The following CATSPER4 variants were observed in gnomAD, a reference collection of about 807,000 sequenced individuals.
CATSPER4 encodes cation channel sperm associated 4.
In CATSPER4, 46 loss-of-function variants were observed where a neutral mutation model predicts 54.4. The ratio of observed to expected loss-of-function variants is 0.84; its 90% CI spans 0.67 to 1.08. The LOEUF is 1.08. Among genes scored for constraint, CATSPER4 ranks in the 50% least tolerant of loss-of-function variants. CATSPER4 has a pLI of 0.00. For synonymous variants in CATSPER4, 230 were observed against 231.9 expected, an observed-to-expected ratio of 0.99 and a Z score of 0.08; for missense variants, 574 against 612.8, an observed-to-expected ratio of 0.94 and a Z score of 0.67.
intron 8 of CATSPER4, 68 bp downstream of exon 8, chr1:26,201,109 C>G (rs1350366458): frequency 1.5e-6 from 2 of 1,326,160 alleles, no homozygotes; most frequent in African/African-American, 1.4e-5. Context: ...TCAGAGTCTT[C>G]TGGCCTCACG....
At chr1:26,197,159 G>A (rs2088952038) in intron 3 of CATSPER4, among the ~76,000 whole-genome samples, 1 of 152,084 alleles carries the variant, frequency 6.6e-6, no homozygotes, top group African/African-American at 2.4e-5. Flanking sequence ...ACCTGCCTCA[G>A]ACTCCCAAAG....
rs772657385 is a variant in CATSPER4, at chr1:26,202,581, C to T, written c.*39C>T. On this transcript the variant is annotated 3_prime_UTR_variant, in exon 10 of 10. Transcript: ENST00000456354. ...GAGCCAAGGGGCCTGCACACACACA[C>T]CCAGCCGCTGCGTCTTCCTGTGTCC... 1 of 1,575,338 alleles carries T rather than the reference C, an allele frequency of 6.3e-7. No individual in the cohort carries two copies. Among genetic ancestry groups the T allele is most frequent in the South Asian group, 1.1e-5 (1 of 88,468 alleles).
At chr1:26,201,611 C>G in intron 9 of CATSPER4, 92 bp downstream of exon 9, 1 of 1,288,296 alleles carries the variant, frequency 7.8e-7, no homozygotes, top group Non-Finnish European at 1.1e-6. Context: ...GTCAAAGTTT[C>G]TGTCTATTCC....
rs1445474509 is a variant in CATSPER4 at position 26,202,600 on chromosome 1, TGTGTCCTTA to T, written c.*63_*71del. ...CACACACCCAGCCGCTGCGTCTTCCTGTGTCCTTAGTGTGGCTTGGCAGAGCCTGGCCAG... is the reference window on the plus strand; with the variant it reads ...CACACACCCAGCCGCTGCGTCTTCCTGTGTGGCTTGGCAGAGCCTGGCCAG... On this transcript the variant is annotated 3_prime_UTR_variant, in exon 10 of 10. Coordinates refer to ENST00000456354, the MANE Select transcript of CATSPER4 (RefSeq NM_198137.2). 1 of 1,511,634 alleles carries T rather than the reference TGTGTCCTTA, an allele frequency of 6.6e-7. No homozygotes were observed. The highest frequency in any genetic ancestry group is 1.8e-5 in the Admixed American group (1 of 54,948). The allele number at this position is 1,511,634 out of a possible 1,614,324, so 93.6% of individuals were successfully genotyped here. A position where few individuals can be genotyped will look rare whatever the true frequency, so the allele number is the denominator to read the frequency against.
At chr1:26,200,085 G>A in intron 7 of CATSPER4, 27 bp downstream of exon 7, 8 of 1,605,490 alleles carry the variant, frequency 5.0e-6, no homozygotes, top group Non-Finnish European at 6.8e-6. Context: ...GGGCAGAAGG[G>A]AGGAAAAGGA....
At chr1:26,202,358 C>T (rs190931267) in intron 9 of CATSPER4, 131 bp from the exon 10 acceptor site, 19 of 798,008 alleles carry the variant, frequency 2.4e-5, no homozygotes, top group Admixed American at 1.4e-4. Flanking sequence ...TAGGTAGGCT[C>T]AAGTTAGACC....
chr1:26,201,799 C>T (rs539779522), intron 9 of CATSPER4, among the ~76,000 whole-genome samples: 198 of 150,272 alleles, frequency 1.3e-3, no homozygotes, highest in Non-Finnish European at 2.6e-3. Context: ...AAGCGATTCT[C>T]CTGCTTCAGC....
At position 26,190,807 on chromosome 1, in the gene CATSPER4, G is replaced by A; in HGVS notation, c.180G>A (p.Val60=). Residue 60 remains valine, a synonymous_variant, in exon 1 of 10, where the codon GTG becomes GTA. Coordinates refer to ENST00000456354, the MANE Select transcript of CATSPER4 (RefSeq NM_198137.2). The part of the protein sequence containing the change: ...HESYGRPEEQ[V]LINRQEITNK... ...CCTACGGTCGGCCAGAGGAGCAAGT[G>A]CTCATCAACCGCCAGGAAATCACGA... 6.2e-7 allele frequency: 1 copy of A among 1,612,528 alleles called. No individual in the cohort carries two copies. Among genetic ancestry groups the A allele is most frequent in the Non-Finnish European group, 8.5e-7 (1 of 1,179,476 alleles).
Position 26,194,952 on chromosome 1 carries a change from G to T in CATSPER4, c.459+1064G>T, listed in dbSNP as rs544277340. On this transcript the variant is annotated intron_variant, in intron 3 of 9. Transcript: ENST00000456354. The stretch of plus-strand genomic sequence containing the variant: ...ATACAAAAACTAGCTGGGCGTGGTG[G>T]CGCGTGCCTGTAATCCCAGCTACTT... 1.4e-3 allele frequency among the ~76,000 whole-genome samples: 206 copies of T among 152,272 alleles called. 1 individual carries two copies. The highest frequency in any genetic ancestry group is 1.9e-3 in the Non-Finnish European group (131 of 68,026).
chr1:26,198,483 AG>A lies in CATSPER4; in HGVS notation c.812+66del, dbSNP rs970554399. Reference sequence around the variant, plus strand: ...GGGGCAGGGTAGCCGGTGGAGCTCCAGGCTGAGAGTGGGAGCTCCAGGGATT... The same window carrying A: ...GGGGCAGGGTAGCCGGTGGAGCTCCAGCTGAGAGTGGGAGCTCCAGGGATT... On this transcript the variant is annotated intron_variant, in intron 6 of 9. Coordinates refer to ENST00000456354, the MANE Select transcript of CATSPER4 (RefSeq NM_198137.2). 28 of 1,603,028 alleles carry A rather than the reference AG, an allele frequency of 1.7e-5. No homozygotes were observed. The African/African-American group carries it at 3.7e-4, about 21-fold the overall frequency.
rs112294330 is a variant in CATSPER4 at position 26,191,480 on chromosome 1, G to A, written c.357+50G>A. 2.4e-3 allele frequency: 3,871 copies of A among 1,602,236 alleles called. 67 individuals carry two copies. In the African/African-American group the frequency reaches 0.042, roughly 17 times the overall value. On this transcript the variant is annotated intron_variant, in intron 2 of 9. Coordinates refer to ENST00000456354, the MANE Select transcript of CATSPER4 (RefSeq NM_198137.2). ...CCCACTAACCCTAATGGGGGGCCTG[G>A]GGCAAGAACTCTTCCGGCCTCAGGC...
At position 26,192,481 on chromosome 1, in the gene CATSPER4, T is replaced by C. The variant is rs954455923; in HGVS notation, c.357+1051T>C. Reference sequence around the variant, plus strand: ...GGTGGGCGCCTATAATCCCAGCCACTTGAGAGGCTGAGGCAGGATAATCGC... The same window carrying C: ...GGTGGGCGCCTATAATCCCAGCCACCTGAGAGGCTGAGGCAGGATAATCGC... On this transcript the variant is annotated intron_variant, in intron 2 of 9. Transcript: ENST00000456354. Among the ~76,000 whole-genome samples the C allele has an allele frequency of 3.3e-5, 5 of 151,740 alleles. No individual in the cohort carries two copies. The East Asian group carries it at 9.8e-4, about 30-fold the overall frequency.
chr1:26,194,169 C>T (rs2088906739), intron 3 of CATSPER4, among the ~76,000 whole-genome samples: 1 of 152,194 alleles, frequency 6.6e-6, no homozygotes, highest in African/African-American at 2.4e-5. Context: ...AAAGCATCTA[C>T]CTTAATTTAC....
chr1:26,201,489 C>G lies in CATSPER4; in HGVS notation c.1335C>G (p.Asp445Glu). 1 of 1,614,058 alleles carries G rather than the reference C, an allele frequency of 6.2e-7. No homozygotes were observed. The highest frequency in any genetic ancestry group is 8.5e-7 in the Non-Finnish European group (1 of 1,179,970). ...KDIRQMSQQQ[D>E]LLSALVSMEK... The stretch of plus-strand genomic sequence containing the variant: ...TCCGCCAGATGTCTCAACAGCAAGA[C>G]TTGCTCAGTGCGCTCGTTAGCATGG... Residue 445 changes from aspartate (D) to glutamate (E), a missense_variant, in exon 9 of 10, where the codon GAC becomes GAG. Asp to Glu is a conservative substitution (Grantham distance 45). Coordinates refer to ENST00000456354, the MANE Select transcript of CATSPER4 (RefSeq NM_198137.2).
At chr1:26,193,095 G>A (rs778458783) in intron 2 of CATSPER4, among the ~76,000 whole-genome samples, 6 of 151,792 alleles carry the variant, frequency 4.0e-5, no homozygotes, top group Non-Finnish European at 7.4e-5. Flanking sequence ...GAGGAGACAC[G>A]GTGACTTGGG....
At chr1:26,199,638 A>G (rs1001057111) in intron 6 of CATSPER4, among the ~76,000 whole-genome samples, 5 of 151,214 alleles carry the variant, frequency 3.3e-5, no homozygotes, top group African/African-American at 7.3e-5. Flanking sequence ...ATTAAACTTA[A>G]TAGTGTTGAT....
chr1:26,194,862 G>A (rs1333565884), intron 3 of CATSPER4, among the ~76,000 whole-genome samples: 1 of 152,112 alleles, frequency 6.6e-6, no homozygotes, highest in East Asian at 1.9e-4. Flanking sequence ...TGAGGTAAGA[G>A]GATCACTTGA....
At chr1:26,192,129 CTTT>C (rs1189162445) in intron 2 of CATSPER4, among the ~76,000 whole-genome samples, 3 of 139,686 alleles carry the variant, frequency 2.1e-5, no homozygotes, top group Admixed American at 7.2e-5. Flanking sequence ...GTTTTAATTT[CTTT>C]TTTTTTTTTT....
chr1:26,201,240 G>A (rs2089004041), intron 8 of CATSPER4, 114 bp from the exon 9 acceptor site: 1 of 1,204,382 alleles, frequency 8.3e-7, no homozygotes, highest in East Asian at 2.5e-5. Flanking sequence ...CTCGGCCTGG[G>A]TCTCTGTCAG....
Sources: gnomAD v4.1 joint callset for allele counts (sites outside exome capture counted in the v4.1 genomes callset) on GRCh38, gnomAD v4.1.1 for gene constraint, MANE v1.5 for transcripts, NCBI Gene and HGNC (gene_info 2026-07-23, HGNC 2026-07-21) for gene names.